Variants in CAPN3 observed in about 807,000 individuals in gnomAD.
CAPN3 encodes the protein calpain 3.
In CAPN3, 88 loss-of-function variants were observed where a neutral mutation model predicts 114.0. That is an observed-to-expected ratio of 0.77 (90% confidence interval 0.65 to 0.92). The LOEUF (loss-of-function observed/expected upper bound fraction) is 0.92, where lower values mean the gene tolerates loss of function less well. CAPN3 is among the 40% of genes least tolerant of loss of function. The probability of loss-of-function intolerance (pLI) is 0.00; values close to 1 mark genes in which losing one functional copy is unlikely to be tolerated. For synonymous variants in CAPN3, 386 were observed against 382.9 expected (o/e 1.01, Z -0.09); for missense variants, 1,028 against 1,069.0 (o/e 0.96, Z 0.53).
chr15:42,409,791 T>A lies in CAPN3; in HGVS notation c.1997T>A (p.Met666Lys). 1 of 1,601,750 alleles carries A rather than the reference T, an allele frequency of 6.2e-7. No individual in the cohort carries two copies. The highest frequency in any genetic ancestry group is 1.8e-5 in the Admixed American group (1 of 56,970). The change falls in exon 18 of 24, where the codon ATG (methionine) becomes AAG (lysine). Residue 666 changes from methionine (M) to lysine (K), a missense_variant. Physicochemically the swap from Met to Lys is moderately conservative, Grantham distance 95. Transcript: ENST00000397163. ...NIFKQIAGDD[M>K]EICADELKKV... ...CTCCTCTCCCTTCCTCCTCAGGACA[T>A]GGAGATCTGTGCAGATGAGCTCAAG... is the stretch of plus-strand genomic sequence containing the variant.
At chr15:42,410,098 A>G in intron 19 of CAPN3, 103 bp downstream of exon 19, 1 of 1,067,988 alleles carries the variant, frequency 9.4e-7, no homozygotes, top group South Asian at 1.3e-5. Flanking sequence ...ATTTGTGCCC[A>G]GGGAAACTTA....
At chr15:42,409,598 C>T (rs1408330222) in intron 17 of CAPN3, among the ~76,000 whole-genome samples, 189 bp from the exon 18 acceptor site, 5 of 152,164 alleles carry the variant, frequency 3.3e-5, no homozygotes, top group South Asian at 2.1e-4. Flanking sequence ...GAGCTGCCCA[C>T]GGTGGTCCTG....
At chr15:42,406,277 AG>A (rs1429387546) in intron 15 of CAPN3, among the ~76,000 whole-genome samples, 3 of 152,104 alleles carry the variant, frequency 2.0e-5, no homozygotes, top group Non-Finnish European at 4.4e-5. Context: ...ACAGCCAGAG[AG>A]GGGCAGAGCC....
At chr15:42,376,009 T>C (rs1263311105) in intron 1 of CAPN3, among the ~76,000 whole-genome samples, 1 of 152,238 alleles carries the variant, frequency 6.6e-6, no homozygotes, top group African/African-American at 2.4e-5. Context: ...TCAGGTATTC[T>C]GTAACATAAT....
chr15:42,393,096 C>T (rs1244588216), intron 7 of CAPN3, among the ~76,000 whole-genome samples: 2 of 152,158 alleles, frequency 1.3e-5, no homozygotes, highest in Non-Finnish European at 1.5e-5. Context: ...GGACTGGTTC[C>T]AGAAGCCCCA....
intron 14 of CAPN3, chr15:42,404,651 T>A: frequency 8.5e-7 from 1 of 1,175,748 alleles, no homozygotes; most frequent in Admixed American, 3.6e-5. Context: ...TGTTGAGGAG[T>A]CTTGTGACTG....
In CAPN3 at chr15:42,408,278, A is replaced by C; in HGVS notation, c.1868A>C (p.Glu623Ala). The change falls in exon 16 of 24, where the codon GAG (glutamate) becomes GCG (alanine). Residue 623 changes from glutamate to alanine, a missense_variant. Physicochemically the swap from Glu to Ala is moderately radical, Grantham distance 107. Transcript: ENST00000397163. ...CTGGGTGTGGACCAGGAGTCAGAGG[A>C]GGGCAAAGGCAAAACAAGCCCTGAT... ...KELGVDQESE[E>A]GKGKTSPDKQ... 6.2e-7 allele frequency: 1 copy of C among 1,613,860 alleles called. No homozygotes were observed. Among genetic ancestry groups the C allele is most frequent in the Non-Finnish European group, 8.5e-7 (1 of 1,179,840 alleles).
At chr15:42,399,696 T>G in intron 10 of CAPN3, 44 bp downstream of exon 10, 1 of 1,528,928 alleles carries the variant, frequency 6.5e-7, no homozygotes, top group Non-Finnish European at 8.9e-7. Flanking sequence ...GCCGAAAAAG[T>G]TCCAGGCAGA....
At chr15:42,381,414 G>A (rs1467858716) in intron 1 of CAPN3, among the ~76,000 whole-genome samples, 1 of 152,166 alleles carries the variant, frequency 6.6e-6, no homozygotes, top group Non-Finnish European at 1.5e-5. Flanking sequence ...ACAGTTTACA[G>A]TCTTTCCATA....
chr15:42,396,933 A>C, intron 9 of CAPN3, 56 bp downstream of exon 9: 1 of 1,276,088 alleles, frequency 7.8e-7, no homozygotes. Flanking sequence ...GAGAGGGGAA[A>C]TCTCAGACCT....
chr15:42,401,011 T>C (rs1251067938), intron 10 of CAPN3, among the ~76,000 whole-genome samples: 1 of 152,014 alleles, frequency 6.6e-6, no homozygotes, highest in Non-Finnish European at 1.5e-5. Flanking sequence ...TTGGCTAACA[T>C]GGTGAAAACC....
At chr15:42,398,508 C>T (rs2053763978) in intron 9 of CAPN3, among the ~76,000 whole-genome samples, 1 of 151,336 alleles carries the variant, frequency 6.6e-6, no homozygotes, top group Non-Finnish European at 1.5e-5. Flanking sequence ...CCCTTGACCT[C>T]AGGAGGTGGA....
chr15:42,376,775 G>C (rs1044993994), intron 1 of CAPN3, among the ~76,000 whole-genome samples: 1 of 152,036 alleles, frequency 6.6e-6, no homozygotes, highest in African/African-American at 2.4e-5. Flanking sequence ...ATATGTGTGT[G>C]TACTAAGCCA....
Position 42,410,613 on chromosome 15 carries a change from A to G in CAPN3, c.2210A>G (p.Asp737Gly). The G allele has an allele frequency of 6.2e-7, 1 of 1,613,976 alleles. No homozygotes were observed. The highest frequency in any genetic ancestry group is 1.3e-5 in the African/African-American group (1 of 74,998). The stretch of plus-strand genomic sequence containing the variant: ...AAAATTTTCAAACACTATGACACAG[A>G]CCAGTCCGGCACCATCAACAGCTAC... ...WQKIFKHYDT[D>G]QSGTINSYEM... The change falls in exon 21 of 24, where the codon GAC becomes GGC. Residue 737 changes from aspartate (D) to glycine (G), a missense_variant. Coordinates refer to ENST00000397163, the MANE Select transcript of CAPN3 (RefSeq NM_000070.3).
In CAPN3 at chr15:42,411,697, G is replaced by GA. The variant is rs200202467; in HGVS notation, c.2440-50_2440-49insA. On this transcript the variant is annotated intron_variant, in intron 23 of 23. Coordinates refer to ENST00000397163, the MANE Select transcript of CAPN3 (RefSeq NM_000070.3). ...CGTAAGATTCCTAGGGCGGGGGGGG[G>GA]GGGGGTCACTCTTTTCTGATCTACA... 116 of 810,242 alleles carry GA rather than the reference G, an allele frequency of 1.4e-4. 5 individuals carry two copies. The East Asian group carries it at 3.7e-3, about 26-fold the overall frequency. 50.2% of individuals were successfully genotyped at this position (810,242 alleles called of 1,614,324 possible). A position where few individuals can be genotyped will look rare whatever the true frequency, so the allele number is the denominator to read the frequency against.
intron 1 of CAPN3, among the ~76,000 whole-genome samples, chr15:42,373,194 A>AAAAT (rs28745871): frequency 6.6e-6 from 1 of 152,188 alleles, no homozygotes; most frequent in Admixed American, 6.5e-5. Context: ...CCCTATCTCA[A>AAAAT]AAATAAATAA....
chr15:42,404,822 C>T (rs1008979505), intron 14 of CAPN3: 1 of 1,077,952 alleles, frequency 9.3e-7, no homozygotes, highest in Non-Finnish European at 1.1e-6. Context: ...CAAGTGCCTT[C>T]TGAATGACCA....
intron 1 of CAPN3, among the ~76,000 whole-genome samples, chr15:42,371,402 A>G (rs114018038): frequency 0.012 from 1,763 of 152,322 alleles, 37 homozygotes; most frequent in African/African-American, 0.041. Context: ...TGGGACAGAA[A>G]TGGCCAAGAA....
Position 42,411,285 on chromosome 15 carries a change from A to G in CAPN3, c.2381-2A>G, listed in dbSNP as rs863224962. ...GCCTCTGGCCTGTGCATTCTTTCAC[A>G]GGAGCTTTTCATGCATTTGACAAGG... On this transcript the variant is annotated splice_acceptor_variant, in intron 22 of 23. Transcript: ENST00000397163. LOFTEE classifies it high-confidence loss of function. 6.2e-7 allele frequency: 1 copy of G among 1,614,050 alleles called. No individual in the cohort carries two copies. Among genetic ancestry groups the G allele is most frequent in the Non-Finnish European group, 8.5e-7 (1 of 1,179,874 alleles).
Sources: gnomAD v4.1 joint callset for allele counts (sites outside exome capture counted in the v4.1 genomes callset) on GRCh38, gnomAD v4.1.1 for gene constraint, MANE v1.5 for transcripts, NCBI Gene and HGNC (gene_info 2026-07-23, HGNC 2026-07-21) for gene names.